The following TRPM2 variants were observed in gnomAD, a reference collection of about 807,000 sequenced individuals.
TRPM2 encodes estrogen-responsive element-associated gene 1 protein.
Under a neutral mutation model 174.0 loss-of-function variants are expected in TRPM2, and 161 were observed. The ratio of observed to expected loss-of-function variants is 0.93; its 90% CI spans 0.81 to 1.05. The LOEUF (loss-of-function observed/expected upper bound fraction) is 1.05, where lower values mean the gene tolerates loss of function less well. Ranked by LOEUF, TRPM2 falls within the 50% of genes least tolerant of loss-of-function variation. The pLI, the probability that TRPM2 is intolerant of heterozygous loss-of-function variation, is 0.00. For missense variants in TRPM2, 2,057 were observed against 2,038.0 expected, an observed-to-expected ratio of 1.01 and a Z score of -0.18; for synonymous variants, 954 against 861.3, an observed-to-expected ratio of 1.11 and a Z score of -1.88.
intron 16 of TRPM2, among the ~76,000 whole-genome samples, chr21:44,404,070 T>G (rs1252936030): frequency 6.6e-6 from 1 of 150,984 alleles, no homozygotes; most frequent in East Asian, 1.9e-4. Context: ...CATATGCACA[T>G]GAACAAACAT....
At chr21:44,393,857 G>C (rs1267131240) in intron 11 of TRPM2, among the ~76,000 whole-genome samples, 1 of 151,862 alleles carries the variant, frequency 6.6e-6, no homozygotes, top group Non-Finnish European at 1.5e-5. Flanking sequence ...AGAAAGACAT[G>C]GGTATGACTT....
intron 28 of TRPM2, among the ~76,000 whole-genome samples, chr21:44,435,963 T>TC (rs2051245891): frequency 8.8e-6 from 1 of 113,826 alleles, no homozygotes; most frequent in Admixed American, 8.6e-5. Flanking sequence ...TCAGACTCAC[T>TC]CTCTACTCCC....
rs781494122 is a variant in TRPM2, at chr21:44,405,960, C to G, written c.2713C>G (p.Leu905Val). ...CGTCATCCTCTCTCTGGACTTCATC[C>G]TGTTCTGCCTCCGGCTCATGCACAT... is the stretch of plus-strand genomic sequence containing the variant. ...GRVILSLDFI[L>V]FCLRLMHIFT... is the part of the protein sequence containing the mutation. Residue 905 changes from leucine (L) to valine (V), a missense_variant, in exon 18 of 32, where the codon CTG (leucine) becomes GTG (valine). Coordinates refer to ENST00000397928, the MANE Select transcript of TRPM2 (RefSeq NM_003307.4). 6.2e-7 allele frequency: 1 copy of G among 1,608,590 alleles called. No individual in the cohort carries two copies. Among genetic ancestry groups the G allele is most frequent in the Non-Finnish European group, 8.5e-7 (1 of 1,179,764 alleles).
intron 7 of TRPM2, 30 bp from the exon 8 acceptor site, chr21:44,378,967 C>T (rs1256912542): frequency 2.5e-6 from 4 of 1,594,768 alleles, no homozygotes; most frequent in Non-Finnish European, 3.4e-6. Context: ...AGGACCCAGT[C>T]CCGGGCTCAC....
intron 22 of TRPM2, among the ~76,000 whole-genome samples, chr21:44,420,584 C>T (rs918932183): frequency 6.6e-6 from 1 of 152,182 alleles, no homozygotes; most frequent in Non-Finnish European, 1.5e-5. Context: ...CCATGCAGTG[C>T]CCTGACAACC....
At chr21:44,353,068 A>C (rs1391696148), upstream of TRPM2, among the ~76,000 whole-genome samples, 9 of 152,216 alleles carry the variant, frequency 5.9e-5, no homozygotes, top group African/African-American at 9.7e-5. Flanking sequence ...AGGCAGGAGA[A>C]TCACTTGAAC....
chr21:44,409,187 C>T (rs1360679733), intron 19 of TRPM2, among the ~76,000 whole-genome samples: 1 of 152,086 alleles, frequency 6.6e-6, no homozygotes, highest in African/African-American at 2.4e-5. Flanking sequence ...GATCATTGTG[C>T]TTTTGGTGTC....
chr21:44,417,814 A>T (rs548073401), intron 20 of TRPM2, 113 bp from the exon 21 acceptor site: 1 of 1,098,160 alleles, frequency 9.1e-7, no homozygotes, highest in Non-Finnish European at 1.3e-6. Flanking sequence ...CACAGTGGGC[A>T]TGTGGGCGTG....
intron 24 of TRPM2, 165 bp from the exon 25 acceptor site, chr21:44,425,505 C>T: frequency 3.8e-6 from 3 of 797,682 alleles, no homozygotes; most frequent in Middle Eastern, 4.1e-4. Flanking sequence ...CCTGGGGGCC[C>T]TGCCCACTTC....
intron 27 of TRPM2, among the ~76,000 whole-genome samples, chr21:44,428,974 T>C (rs1322696514): frequency 6.6e-6 from 1 of 152,274 alleles, no homozygotes; most frequent in Non-Finnish European, 1.5e-5. Context: ...TCTTTAAACC[T>C]GCCTTTTCTA....
chr21:44,353,484 A>C (rs974947604), upstream of TRPM2: 32 of 568,736 alleles, frequency 5.6e-5, no homozygotes, highest in African/African-American at 5.7e-4. Flanking sequence ...CAGCTCAGGC[A>C]GCTGGGAACA....
chr21:44,410,334 A>T (rs112749230), intron 19 of TRPM2, among the ~76,000 whole-genome samples: 10 of 41,014 alleles, frequency 2.4e-4, no homozygotes, highest in African/African-American at 3.8e-4. Context: ...AGTTTTGACC[A>T]CACTGTCTTG....
At chr21:44,377,682 G>A (rs769010907) in intron 6 of TRPM2, 30 bp from the exon 7 acceptor site, 1 of 1,613,764 alleles carries the variant, frequency 6.2e-7, no homozygotes, top group Admixed American at 1.7e-5. Flanking sequence ...GTTTAGGTGT[G>A]GCCCTCACTC....
rs2048449631 is a variant in TRPM2 at position 44,369,215 on chromosome 21, A to C, written c.643A>C (p.Met215Leu). ...CACAGGGGGGTCCCACACCGGCGTC[A>C]TGAAGCAGGTAGGCGAGGCGGTGCG... ...IITGGSHTGV[M>L]KQVGEAVRDF... is the part of the protein sequence containing the mutation. Residue 215 changes from methionine to leucine, a missense_variant, in exon 5 of 32, where the codon ATG becomes CTG. Coordinates refer to ENST00000397928, the MANE Select transcript of TRPM2 (RefSeq NM_003307.4). 8 of 1,613,268 alleles carry C rather than the reference A, an allele frequency of 5.0e-6. No individual in the cohort carries two copies. The highest frequency in any genetic ancestry group is 6.8e-6 in the Non-Finnish European group (8 of 1,179,794).
chr21:44,389,842 C>G (rs2049118974), intron 9 of TRPM2, among the ~76,000 whole-genome samples: 1 of 151,236 alleles, frequency 6.6e-6, no homozygotes, highest in Admixed American at 6.6e-5. Context: ...ATATTTTCTT[C>G]AAGATGTCTT....
intron 3 of TRPM2, among the ~76,000 whole-genome samples, chr21:44,365,601 C>T (rs2048336087): frequency 1.3e-5 from 2 of 152,268 alleles, no homozygotes; most frequent in South Asian, 2.1e-4. Context: ...CTGATGCCAC[C>T]GTGGCCGTGG....
Position 44,390,953 on chromosome 21 carries a change from G to A in TRPM2, c.1368G>A (p.Leu456=). The change falls in exon 10 of 32, where the codon CTG becomes CTA. Residue 456 remains leucine (L), a synonymous_variant. Transcript: ENST00000397928. ...HFGHENWDHQ[L]KLAVAWNRVD... ...GCCACGAGAACTGGGACCACCAGCT[G>A]AAACTGGCAGTGGCATGGAATCGCG... 1 of 1,614,168 alleles carries A rather than the reference G, an allele frequency of 6.2e-7. No homozygotes were observed. The highest frequency in any genetic ancestry group is 2.2e-5 in the East Asian group (1 of 44,888).
chr21:44,421,041 C>T (rs867283414), intron 22 of TRPM2, among the ~76,000 whole-genome samples: 32 of 152,252 alleles, frequency 2.1e-4, no homozygotes, highest in African/African-American at 7.0e-4. Flanking sequence ...AGTCCCAGGC[C>T]GGGCGCGGTG....
intron 11 of TRPM2, among the ~76,000 whole-genome samples, chr21:44,392,608 A>G (rs115296679): frequency 2.4e-3 from 361 of 152,154 alleles, no homozygotes; most frequent in African/African-American, 8.5e-3. Flanking sequence ...TCCACTTAGG[A>G]ACCCACAATG....
Sources: allele counts gnomAD v4.1 joint callset (sites outside exome capture counted in the v4.1 genomes callset), GRCh38; gene constraint gnomAD v4.1.1; transcripts MANE v1.5; gene names NCBI Gene and HGNC (gene_info 2026-07-23, HGNC 2026-07-21).